EIF2A: variants seen among roughly 807,000 people sequenced by gnomAD.
EIF2A encodes the protein eukaryotic translation initiation factor 2A, also known as 65 kDa eukaryotic translation initiation factor 2A.
A neutral mutation model predicts 75.2 loss-of-function variants in EIF2A; 62 were observed. The ratio of observed to expected loss-of-function variants is 0.82; its 90% CI spans 0.67 to 1.02. The LOEUF (loss-of-function observed/expected upper bound fraction) is 1.02, where lower values mean the gene tolerates loss of function less well. Ranked by LOEUF, EIF2A falls within the 50% of genes least tolerant of loss-of-function variation. The probability of loss-of-function intolerance (pLI) is 0.00; values close to 1 mark genes in which losing one functional copy is unlikely to be tolerated. For synonymous variants in EIF2A, 207 were observed against 239.0 expected, an observed-to-expected ratio of 0.87 and a Z score of 1.23; for missense variants, 611 against 677.7, an observed-to-expected ratio of 0.90 and a Z score of 1.09.
chr3:150,571,621 T>C (rs1456527636), intron 9 of EIF2A, among the ~76,000 whole-genome samples: 1 of 152,042 alleles, frequency 6.6e-6, no homozygotes, highest in African/African-American at 2.4e-5. Flanking sequence ...AATAAATAAA[T>C]AAACAAATAA....
At chr3:150,575,288 G>A (rs933326657) in intron 10 of EIF2A, among the ~76,000 whole-genome samples, 2 of 152,104 alleles carry the variant, frequency 1.3e-5, no homozygotes, top group East Asian at 1.9e-4. Context: ...CGAGGCAACT[G>A]GGTTTCTGTT....
intron 9 of EIF2A, among the ~76,000 whole-genome samples, chr3:150,571,433 C>T (rs1180128686): frequency 6.6e-6 from 1 of 152,296 alleles, no homozygotes; most frequent in East Asian, 1.9e-4. Context: ...AGCCATCGCA[C>T]CTGGTCTTAT....
chr3:150,579,772 G>A (rs915355746), intron 11 of EIF2A, among the ~76,000 whole-genome samples: 8 of 151,822 alleles, frequency 5.3e-5, no homozygotes, highest in African/African-American at 9.7e-5. Context: ...CAGACTTTTA[G>A]AGTTGAATAT....
At chr3:150,558,496 T>C (rs1174237243) in intron 3 of EIF2A, 34 bp downstream of exon 3, 2 of 1,440,722 alleles carry the variant, frequency 1.4e-6, no homozygotes, top group Non-Finnish European at 1.8e-6. Flanking sequence ...ATTTTGTGTG[T>C]CACGAATATA....
intron 1 of EIF2A, among the ~76,000 whole-genome samples, chr3:150,547,791 C>G (rs1723120889): frequency 6.6e-6 from 1 of 152,168 alleles, no homozygotes; most frequent in Non-Finnish European, 1.5e-5. Context: ...CCCACTGATG[C>G]TCAGTCTGTC....
At chr3:150,569,685 C>T (rs1724392334) in intron 9 of EIF2A, among the ~76,000 whole-genome samples, 1 of 151,884 alleles carries the variant, frequency 6.6e-6, no homozygotes, top group African/African-American at 2.4e-5. Flanking sequence ...TGTGGTGGTA[C>T]ATGCCTGTAA....
chr3:150,547,313 G>C (rs918108238), intron 1 of EIF2A: 4 of 169,032 alleles, frequency 2.4e-5, no homozygotes, highest in African/African-American at 9.5e-5. Context: ...AGGGAGAGTG[G>C]AGCTGTAATG....
chr3:150,583,190 A>T lies in EIF2A; in HGVS notation c.1627-10A>T. The T allele has an allele frequency of 6.2e-7, 1 of 1,609,958 alleles. No individual in the cohort carries two copies. The highest frequency in any genetic ancestry group is 8.5e-7 in the Non-Finnish European group (1 of 1,178,776). On this transcript the variant is annotated splice_polypyrimidine_tract_variant and intron_variant, in intron 12 of 13. Coordinates refer to ENST00000460851, the MANE Select transcript of EIF2A (RefSeq NM_032025.5). ...CTTCCATGCTCTTGACTCATATTTG[A>T]TGTTTGCAGAAACTGAAAGCAATCG...
At chr3:150,565,514 T>G (rs1282927519) in intron 6 of EIF2A, among the ~76,000 whole-genome samples, 2 of 152,208 alleles carry the variant, frequency 1.3e-5, no homozygotes, top group African/African-American at 4.8e-5. Flanking sequence ...TCTTATCAGT[T>G]TTAATATAAT....
rs1359216957 is a variant in EIF2A at position 150,584,808 on chromosome 3, A to G, written c.*897A>G. Among the ~76,000 whole-genome samples, 5 of 151,992 alleles carry G rather than the reference A, an allele frequency of 3.3e-5. No homozygotes were observed. Among genetic ancestry groups the G allele is most frequent in the Admixed American group, 1.3e-4 (2 of 15,272 alleles). ...TTTGACTTTCTTCTTAATTTGTAAG[A>G]GTATCCTATGTAGTAACAAAATCCT... is the stretch of plus-strand genomic sequence containing the variant. On this transcript the variant is annotated 3_prime_UTR_variant, in exon 14 of 14. Transcript: ENST00000460851.
rs184285810 is a variant in EIF2A, at chr3:150,585,448, G to C, written c.*1537G>C. Reference sequence around the variant, plus strand: ...GTAGGAAAATTGTTTGAACCCGGCAGACAGAGGTTGCAGTGAGCCGACATC... The same window carrying C: ...GTAGGAAAATTGTTTGAACCCGGCACACAGAGGTTGCAGTGAGCCGACATC... On this transcript the variant is annotated 3_prime_UTR_variant, in exon 14 of 14. Transcript: ENST00000460851. 6.6e-6 allele frequency: 1 copy of C among 152,374 alleles called. No individual in the cohort carries two copies. The highest frequency in any genetic ancestry group is 6.5e-5 in the Admixed American group (1 of 15,302). The allele number at this position is 152,374 out of a possible 1,614,324, so 9.4% of individuals were successfully genotyped here. A position where few individuals can be genotyped will look rare whatever the true frequency, so the allele number is the denominator to read the frequency against.
chr3:150,547,327 G>C (rs529201194), intron 1 of EIF2A: 1 of 165,752 alleles, frequency 6.0e-6, no homozygotes, highest in African/African-American at 2.4e-5. Flanking sequence ...TGTAATGCAG[G>C]TTTCAAATGA....
chr3:150,562,160 C>T (rs925846868), intron 3 of EIF2A, among the ~76,000 whole-genome samples: 7 of 151,982 alleles, frequency 4.6e-5, no homozygotes, highest in African/African-American at 9.7e-5. Context: ...TGGTGGCTCA[C>T]GCCTGTAATC....
At chr3:150,571,041 G>C (rs991027067) in intron 9 of EIF2A, among the ~76,000 whole-genome samples, 1 of 151,606 alleles carries the variant, frequency 6.6e-6, no homozygotes, top group Non-Finnish European at 1.5e-5. Context: ...ACTCCAGACC[G>C]GGCAACAAGA....
chr3:150,580,679 C>T (rs963715013), intron 11 of EIF2A, among the ~76,000 whole-genome samples: 1 of 152,148 alleles, frequency 6.6e-6, no homozygotes, highest in Non-Finnish European at 1.5e-5. Context: ...AAAGGGAGCA[C>T]TTTACGGCTT....
intron 2 of EIF2A, among the ~76,000 whole-genome samples, chr3:150,553,052 C>T (rs748701222): frequency 1.3e-5 from 2 of 152,114 alleles, no homozygotes; most frequent in East Asian, 1.9e-4. Context: ...CCCGGTGGCT[C>T]ACGCCTGTAA....
intron 1 of EIF2A, among the ~76,000 whole-genome samples, chr3:150,550,430 AT>A (rs1723258864): frequency 6.6e-6 from 1 of 152,184 alleles, no homozygotes; most frequent in African/African-American, 2.4e-5. Flanking sequence ...TATGGACCTG[AT>A]TTTGTGTTTT....
chr3:150,558,753 G>A, intron 3 of EIF2A: 1 of 177,818 alleles, frequency 5.6e-6, no homozygotes, highest in Non-Finnish European at 1.2e-5. Flanking sequence ...ATTGGTTGGA[G>A]TTTCCTAAAT....
At chr3:150,557,317 C>T (rs1250570513) in intron 2 of EIF2A, among the ~76,000 whole-genome samples, 2 of 151,994 alleles carry the variant, frequency 1.3e-5, no homozygotes, top group Non-Finnish European at 2.9e-5. Flanking sequence ...AAAATTCTGC[C>T]GTAAGGTTCA....
Sources: gnomAD v4.1 joint callset for allele counts (sites outside exome capture counted in the v4.1 genomes callset) on GRCh38, gnomAD v4.1.1 for gene constraint, MANE v1.5 for transcripts, NCBI Gene and HGNC (gene_info 2026-07-23, HGNC 2026-07-21) for gene names.